The following SYTL5 variants were observed in gnomAD, a reference collection of about 807,000 sequenced individuals.
SYTL5 encodes synaptotagmin like 5, also known as synaptotagmin-like protein 5.
SYTL5 carries 34 observed loss-of-function variants against 55.9 expected under a neutral mutation model. That is an observed-to-expected ratio of 0.61 (90% confidence interval 0.46 to 0.81). The LOEUF (loss-of-function observed/expected upper bound fraction) is 0.81, where lower values mean the gene tolerates loss of function less well. SYTL5 is among the 30% of genes least tolerant of loss of function. SYTL5 has a pLI of 0.00. For missense variants in SYTL5, 637 were observed against 546.7 expected (o/e 1.17, Z -1.65); for synonymous variants, 221 against 188.7 (o/e 1.17, Z -1.40).
chrX:37,961,515 G>C, the SYTL5 span, among the ~76,000 whole-genome samples: 1 of 111,032 alleles, frequency 9.0e-6, no homozygotes, highest in African/African-American at 3.3e-5. Context: ...GGTTGTTGCT[G>C]TTCTATTTAG....
At chrX:37,952,034 G>A in the SYTL5 span, among the ~76,000 whole-genome samples, 1 of 110,970 alleles carries the variant, frequency 9.0e-6, no homozygotes, top group Non-Finnish European at 1.9e-5. Flanking sequence ...GAAATGTTTG[G>A]AATATAGATT....
rs1178122020 is a variant in SYTL5, at chrX:38,094,443, C to T, written c.961+19C>T. 2 of 1,175,212 alleles carry T rather than the reference C, an allele frequency of 1.7e-6. No homozygotes were observed. The highest frequency in any genetic ancestry group is 2.3e-6 in the Non-Finnish European group (2 of 870,191). On this transcript the variant is annotated intron_variant, in intron 8 of 16. Transcript: ENST00000297875. ...TCCTCAGGTGGGTATTTACAATGTG[C>T]CTACTTTGTTGTTTAAAATGACTAA... is the stretch of plus-strand genomic sequence containing the variant.
chrX:37,894,018 G>A, the SYTL5 span, among the ~76,000 whole-genome samples: 1 of 109,175 alleles, frequency 9.2e-6, no homozygotes, highest in Non-Finnish European at 1.9e-5. Context: ...GCCTTTTCTT[G>A]AACTTCATAT....
chrX:37,930,907 A>G, the SYTL5 span, among the ~76,000 whole-genome samples: 1 of 111,892 alleles, frequency 8.9e-6, no homozygotes, highest in South Asian at 3.7e-4. Context: ...GAAAAAGAGA[A>G]CAAGTACTTT....
rs190594252 is a variant in SYTL5 at position 38,062,002 on chromosome X, C to G, written c.329+7580C>G. ...TTTTTTTTTGAGATGGAGTCTTGCT[C>G]TGTCACCCAAGCCGGAGTGCAGTGG... is the stretch of plus-strand genomic sequence containing the variant. On this transcript the variant is annotated intron_variant, in intron 3 of 16. Coordinates refer to ENST00000297875, the MANE Select transcript of SYTL5 (RefSeq NM_138780.3). Among the ~76,000 whole-genome samples, 1,013 of 109,727 alleles carry G rather than the reference C, an allele frequency of 9.2e-3. 10 individuals are homozygous for G. Among genetic ancestry groups the G allele is most frequent in the African/African-American group, 0.032 (973 of 30,126 alleles).
rs1054607828 is a variant in SYTL5 at position 38,054,534 on chromosome X, G to A, written c.329+112G>A. On this transcript the variant is annotated intron_variant, in intron 3 of 16. Coordinates refer to ENST00000297875, the MANE Select transcript of SYTL5 (RefSeq NM_138780.3). ...AAGTTTAAGGATAGAGAGTGCAGGTGAAATTACAGCCCAATCACAGGCTTA... is the reference window on the plus strand; with the variant it reads ...AAGTTTAAGGATAGAGAGTGCAGGTAAAATTACAGCCCAATCACAGGCTTA... 7 of 705,195 alleles carry A rather than the reference G, an allele frequency of 9.9e-6. No individual in the cohort carries two copies. The African/African-American group carries it at 1.5e-4, about 15-fold the overall frequency. The allele number at this position is 705,195 out of a possible 1,213,427, so 58.1% of individuals were successfully genotyped here.
the SYTL5 span, among the ~76,000 whole-genome samples, chrX:37,897,186 A>G: frequency 0.015 from 1,647 of 112,052 alleles, 33 homozygotes; most frequent in African/African-American, 0.051. Context: ...GGAGCACTAT[A>G]AAAGATGAGG....
chrX:37,914,624 G>A, the SYTL5 span, among the ~76,000 whole-genome samples: 9 of 111,813 alleles, frequency 8.0e-5, no homozygotes, highest in African/African-American at 2.6e-4. Context: ...GTAGAGGTAC[G>A]AACATTGATG....
At chrX:38,082,723 C>T (rs1265170568) in intron 6 of SYTL5, among the ~76,000 whole-genome samples, 1 of 112,344 alleles carries the variant, frequency 8.9e-6, no homozygotes, top group East Asian at 2.8e-4. Flanking sequence ...GATCCCTAAG[C>T]AGCTTTTAAG....
the SYTL5 span, among the ~76,000 whole-genome samples, chrX:37,976,631 C>A: frequency 9.0e-6 from 1 of 110,937 alleles, no homozygotes; most frequent in East Asian, 2.8e-4. Flanking sequence ...ATTAGCCATG[C>A]AACAATTTCT....
chrX:38,123,235 G>T (rs1362644263), intron 15 of SYTL5, among the ~76,000 whole-genome samples: 2 of 112,106 alleles, frequency 1.8e-5, no homozygotes, highest in African/African-American at 3.2e-5. Flanking sequence ...CGCTTCCCAG[G>T]TTCAAGTGAT....
At chrX:37,926,789 G>A in the SYTL5 span, among the ~76,000 whole-genome samples, 1 of 111,631 alleles carries the variant, frequency 9.0e-6, no homozygotes, top group Admixed American at 9.5e-5. Context: ...ATTTCTGTCA[G>A]GGGTATCCAT....
chrX:38,094,544 G>C, intron 8 of SYTL5, 120 bp downstream of exon 8: 1 of 814,736 alleles, frequency 1.2e-6, no homozygotes, highest in East Asian at 3.5e-5. Flanking sequence ...TCCCTTCTTT[G>C]ACCTATGGTG....
chrX:37,942,870 T>A, the SYTL5 span, among the ~76,000 whole-genome samples: 1 of 111,485 alleles, frequency 9.0e-6, no homozygotes, highest in Non-Finnish European at 1.9e-5. Flanking sequence ...ATTGCTTATA[T>A]CTTTGCCTCT....
At chrX:38,107,385 G>A (rs927988843) in intron 11 of SYTL5, among the ~76,000 whole-genome samples, 1 of 112,004 alleles carries the variant, frequency 8.9e-6, no homozygotes, top group African/African-American at 3.2e-5. Context: ...TCCCAGTGGA[G>A]TCACATAGGA....
chrX:37,890,741 AAT>A, the SYTL5 span, among the ~76,000 whole-genome samples: 1 of 112,586 alleles, frequency 8.9e-6, no homozygotes, highest in Non-Finnish European at 1.9e-5. Flanking sequence ...ACAGAATCGA[AAT>A]AGACATTTCT....
chrX:37,889,886 G>A, the SYTL5 span, among the ~76,000 whole-genome samples: 1 of 111,611 alleles, frequency 9.0e-6, no homozygotes, highest in African/African-American at 3.3e-5. Context: ...GCTTCATTTA[G>A]GTTTTATTCC....
At chrX:37,979,343 A>G in the SYTL5 span, among the ~76,000 whole-genome samples, 70 of 108,819 alleles carry the variant, frequency 6.4e-4, no homozygotes, top group African/African-American at 2.0e-3. Flanking sequence ...ACATAAGATA[A>G]GGTGAACATA....
chrX:37,917,012 T>G, the SYTL5 span, among the ~76,000 whole-genome samples: 1 of 112,059 alleles, frequency 8.9e-6, no homozygotes, highest in African/African-American at 3.2e-5. Flanking sequence ...GAGTACTGGT[T>G]GGACATTTCG....
Sources: gnomAD v4.1 joint callset for allele counts (sites outside exome capture counted in the v4.1 genomes callset) on GRCh38, gnomAD v4.1.1 for gene constraint, MANE v1.5 for transcripts, NCBI Gene and HGNC (gene_info 2026-07-23, HGNC 2026-07-21) for gene names.